EXOC6: variants seen among roughly 807,000 people sequenced by gnomAD.
EXOC6 encodes exocyst complex component 6.
Under a neutral mutation model 112.5 loss-of-function variants are expected in EXOC6, and 60 were observed. That is an observed-to-expected ratio of 0.53 (90% confidence interval 0.43 to 0.66). The LOEUF is 0.66. EXOC6 is among the 30% of genes least tolerant of loss of function. The pLI is 0.00. For missense variants in EXOC6, 855 were observed against 957.1 expected, an observed-to-expected ratio of 0.89 and a Z score of 1.41; for synonymous variants, 295 against 308.0, an observed-to-expected ratio of 0.96 and a Z score of 0.44.
intron 17 of EXOC6, 86 bp from the exon 18 acceptor site, chr10:92,973,967 G>A: frequency 8.8e-7 from 1 of 1,137,120 alleles, no homozygotes; most frequent in Non-Finnish European, 1.2e-6. Context: ...TAAACCAAAG[G>A]TAAATGTAAA....
chr10:92,856,611 T>G (rs1277642607), intron 1 of EXOC6, among the ~76,000 whole-genome samples: 1 of 152,218 alleles, frequency 6.6e-6, no homozygotes, highest in Non-Finnish European at 1.5e-5. Context: ...TTGCCTAACA[T>G]AGTCTGTACT....
intron 20 of EXOC6, among the ~76,000 whole-genome samples, chr10:93,050,757 C>A (rs1846242103): frequency 1.2e-3 from 1 of 862 alleles, no homozygotes; most frequent in Non-Finnish European, 2.1e-3. Flanking sequence ...GAGACTCCGT[C>A]TCAAAAAAAA....
chr10:93,050,759 CAAAAAA>C (rs58439083), intron 20 of EXOC6, among the ~76,000 whole-genome samples: 10 of 37,308 alleles, frequency 2.7e-4, no homozygotes, highest in East Asian at 8.6e-4. Context: ...GACTCCGTCT[CAAAAAA>C]AAAAAAAAAA....
intron 14 of EXOC6, among the ~76,000 whole-genome samples, chr10:92,951,421 A>G (rs543937819): frequency 7.5e-4 from 114 of 152,338 alleles, no homozygotes; most frequent in Non-Finnish European, 1.4e-3. Context: ...CAGGAATCCA[A>G]GGAAGGAGAG....
intron 20 of EXOC6, among the ~76,000 whole-genome samples, chr10:93,026,737 AT>A (rs1564921107): frequency 1.3e-5 from 2 of 152,198 alleles, no homozygotes; most frequent in African/African-American, 4.8e-5. Context: ...CCACACCCAT[AT>A]AAGATGATGA....
chr10:92,932,970 T>C (rs916544256), intron 9 of EXOC6, among the ~76,000 whole-genome samples: 4 of 152,146 alleles, frequency 2.6e-5, no homozygotes, highest in African/African-American at 9.6e-5. Context: ...AGTAAAAACA[T>C]TGACTAGCTT....
At chr10:92,865,805 A>T (rs1394880884) in intron 1 of EXOC6, among the ~76,000 whole-genome samples, 1 of 152,108 alleles carries the variant, frequency 6.6e-6, no homozygotes, top group Non-Finnish European at 1.5e-5. Context: ...TAACAATCAA[A>T]ACATGTTTTC....
intron 17 of EXOC6, among the ~76,000 whole-genome samples, chr10:92,972,700 T>C (rs547047169): frequency 1.2e-3 from 180 of 152,336 alleles, no homozygotes; most frequent in African/African-American, 4.2e-3. Context: ...TTTCAGGGTC[T>C]TGTCTTATCA....
Position 92,942,069 on chromosome 10 carries a change from A to G in EXOC6, c.1310+1245A>G, listed in dbSNP as rs190340343. 9.9e-4 allele frequency among the ~76,000 whole-genome samples: 151 copies of G among 152,316 alleles called. 1 individual carries two copies. The highest frequency in any genetic ancestry group is 3.4e-4 in the Non-Finnish European group (23 of 68,020). ...ACTTATCCCATCAACTTTCAAAACT[A>G]TGGAGATTGACCTTCTAAATACTGT... On this transcript the variant is annotated intron_variant, in intron 13 of 21. Coordinates refer to ENST00000260762, the MANE Select transcript of EXOC6 (RefSeq NM_019053.6).
intron 1 of EXOC6, among the ~76,000 whole-genome samples, chr10:92,891,430 A>G (rs61862262): frequency 0.022 from 3,353 of 152,292 alleles, 57 homozygotes; most frequent in African/African-American, 0.041. Flanking sequence ...AAAAAAATTA[A>G]AATTTATATT....
intron 6 of EXOC6, among the ~76,000 whole-genome samples, chr10:92,912,592 A>G (rs1226313865): frequency 6.6e-6 from 1 of 152,214 alleles, no homozygotes; most frequent in Non-Finnish European, 1.5e-5. Flanking sequence ...ATACAGAGAT[A>G]AAAATTTACA....
chr10:93,033,541 T>C (rs1564926513), intron 20 of EXOC6, among the ~76,000 whole-genome samples: 1 of 152,238 alleles, frequency 6.6e-6, no homozygotes, highest in Non-Finnish European at 1.5e-5. Context: ...TTTCCTACTC[T>C]CATTTTCTCG....
upstream of EXOC6, among the ~76,000 whole-genome samples, chr10:92,833,873 AT>A: frequency 6.6e-6 from 1 of 150,990 alleles, no homozygotes; most frequent in Non-Finnish European, 1.5e-5. Flanking sequence ...TGTAGGGCAC[AT>A]TTTCCTTTGC....
upstream of EXOC6, chr10:92,831,374 G>A: frequency 7.8e-7 from 1 of 1,277,766 alleles, no homozygotes; most frequent in Non-Finnish European, 1.0e-6. Flanking sequence ...CAAAGCAATA[G>A]TGGTTTGTTA....
intron 1 of EXOC6, among the ~76,000 whole-genome samples, chr10:92,838,625 T>G (rs1251095159): frequency 6.6e-6 from 1 of 151,754 alleles, no homozygotes; most frequent in Non-Finnish European, 1.5e-5. Context: ...AACTATAGAG[T>G]TTGAATTGGG....
At chr10:92,848,378 G>C (rs1321575309), upstream of EXOC6, 2 of 375,130 alleles carry the variant, frequency 5.3e-6, no homozygotes, top group Non-Finnish European at 3.7e-6. Context: ...GGCGGGAACC[G>C]GGTCGCGCGC....
In EXOC6 at chr10:92,991,633, G is replaced by C. The variant is rs559847726; in HGVS notation, c.1954-5841G>C. 4.6e-5 allele frequency among the ~76,000 whole-genome samples: 7 copies of C among 152,240 alleles called. No homozygotes were observed. The South Asian group carries it at 1.5e-3, about 32-fold the overall frequency. The stretch of plus-strand genomic sequence containing the variant: ...CTATGATTGGGATAGGGGAAGTTTT[G>C]AGGGAAGTAAAAATACGCCATGTAT... On this transcript the variant is annotated intron_variant, in intron 18 of 21. Transcript: ENST00000260762.
chr10:92,968,200 T>C (rs1371711049), intron 17 of EXOC6, among the ~76,000 whole-genome samples: 3 of 124,638 alleles, frequency 2.4e-5, no homozygotes, highest in Non-Finnish European at 3.4e-5. Flanking sequence ...TTTTTTTTTT[T>C]TAAAGGCAAG....
At chr10:92,910,883 C>G (rs1036416810) in intron 6 of EXOC6, among the ~76,000 whole-genome samples, 6 of 79,638 alleles carry the variant, frequency 7.5e-5, no homozygotes, top group African/African-American at 2.5e-4. Flanking sequence ...GAGCCAAGAT[C>G]GCGCCACTGC....
Sources: gnomAD v4.1 joint callset for allele counts (sites outside exome capture counted in the v4.1 genomes callset) on GRCh38, gnomAD v4.1.1 for gene constraint, MANE v1.5 for transcripts, NCBI Gene and HGNC (gene_info 2026-07-23, HGNC 2026-07-21) for gene names.